SPRY3: variants seen among roughly 807,000 people sequenced by gnomAD.
SPRY3 encodes the protein protein sprouty homolog 3.
Under a neutral mutation model 20.2 loss-of-function variants are expected in SPRY3, and 15 were observed. The ratio of observed to expected loss-of-function variants is 0.74; its 90% CI spans 0.50 to 1.14. The LOEUF (loss-of-function observed/expected upper bound fraction) is 1.14, where lower values mean the gene tolerates loss of function less well. Among genes scored for constraint, SPRY3 ranks in the 50% most tolerant of loss-of-function variants. The probability of loss-of-function intolerance (pLI) is 0.00; values close to 1 mark genes in which losing one functional copy is unlikely to be tolerated. For synonymous variants in SPRY3, 143 were observed against 136.5 expected, an observed-to-expected ratio of 1.05 and a Z score of -0.33; for missense variants, 364 against 363.9, an observed-to-expected ratio of 1.00 and a Z score of 0.00.
chrX:155,767,866 A>C (rs1226082419), intron 2 of SPRY3, 96 bp from the exon 2 acceptor site: 1 of 153,076 alleles, frequency 6.5e-6, no homozygotes, highest in Non-Finnish European at 1.5e-5. Context: ...TATACAAAGT[A>C]TATGCCACTA....
At chrX:155,747,698 G>A (rs1177668563) in intron 2 of SPRY3, among the ~76,000 whole-genome samples, 1 of 151,980 alleles carries the variant, frequency 6.6e-6, no homozygotes, top group Admixed American at 6.6e-5. Context: ...TGACTGCCTG[G>A]AAGGCAGCCA....
At chrX:155,633,226 C>G (rs2067912085) in intron 1 of SPRY3, among the ~76,000 whole-genome samples, 1 of 108,701 alleles carries the variant, frequency 9.2e-6, no homozygotes, top group African/African-American at 3.4e-5. Flanking sequence ...TCCTCAAACC[C>G]AGTTCTAAAA....
At chrX:155,725,512 A>C (rs1191403229) in intron 2 of SPRY3, among the ~76,000 whole-genome samples, 2 of 152,164 alleles carry the variant, frequency 1.3e-5, no homozygotes, top group Non-Finnish European at 2.9e-5. Context: ...TTATTGGCCT[A>C]TTCAGAGATT....
intron 2 of SPRY3, among the ~76,000 whole-genome samples, chrX:155,665,462 G>C (rs2068021798): frequency 9.0e-6 from 1 of 111,242 alleles, no homozygotes; most frequent in South Asian, 3.8e-4. Context: ...CCCATCATCA[G>C]AGAAATGAAG....
intron 2 of SPRY3, among the ~76,000 whole-genome samples, chrX:155,754,623 C>CA (rs921609038): frequency 1.9e-4 from 29 of 151,810 alleles, no homozygotes; most frequent in Non-Finnish European, 2.9e-4. Flanking sequence ...TGAATTTTTG[C>CA]AAAAAAATCT....
At chrX:155,776,163 G>T (rs1375578796) in exon 4 of SPRY3, 8 of 167,068 alleles carry the variant, frequency 4.8e-5, no homozygotes, top group African/African-American at 1.7e-4. Context: ...AGTTAGTGTG[G>T]TGGTCTTTCT....
At chrX:155,695,569 CCT>C (rs1331375511) in intron 2 of SPRY3, among the ~76,000 whole-genome samples, 1 of 110,171 alleles carries the variant, frequency 9.1e-6, no homozygotes, top group Non-Finnish European at 1.9e-5. Flanking sequence ...CCATTTTCTC[CCT>C]CTGTTTCTTG....
intron 2 of SPRY3, among the ~76,000 whole-genome samples, chrX:155,676,453 T>A (rs370682402): frequency 9.0e-6 from 1 of 111,439 alleles, no homozygotes; most frequent in Non-Finnish European, 1.9e-5. Context: ...TTTGCTGTTA[T>A]GATTTTTGGC....
intron 2 of SPRY3, among the ~76,000 whole-genome samples, chrX:155,739,078 C>T (rs1351701657): frequency 6.6e-6 from 1 of 152,122 alleles, no homozygotes; most frequent in Non-Finnish European, 1.5e-5. Context: ...CAGATGCCAT[C>T]TCTATGGTTC....
intron 2 of SPRY3, among the ~76,000 whole-genome samples, chrX:155,678,746 G>A (rs1409468460): frequency 8.9e-6 from 1 of 112,284 alleles, no homozygotes; most frequent in Non-Finnish European, 1.9e-5. Flanking sequence ...TTATATAAAT[G>A]TGAATGACAA....
intron 2 of SPRY3, among the ~76,000 whole-genome samples, chrX:155,711,768 T>C (rs1418667755): frequency 6.6e-6 from 1 of 151,428 alleles, no homozygotes; most frequent in African/African-American, 2.4e-5. Context: ...GTTCTTGGCT[T>C]TCTAGCTCTT....
At chrX:155,744,889 G>C (rs1450691184) in intron 2 of SPRY3, among the ~76,000 whole-genome samples, 2 of 151,868 alleles carry the variant, frequency 1.3e-5, no homozygotes, top group African/African-American at 2.4e-5. Flanking sequence ...TGGGCTTCAG[G>C]GGTTCTTTCT....
chrX:155,691,289 T>C (rs922109118), intron 2 of SPRY3, among the ~76,000 whole-genome samples: 1 of 87,989 alleles, frequency 1.1e-5, no homozygotes, highest in Non-Finnish European at 2.1e-5. Flanking sequence ...GGCATTATTC[T>C]ATTTATAGCA....
chrX:155,756,744 A>ACTGCTC (rs1412938106), intron 2 of SPRY3, among the ~76,000 whole-genome samples: 1 of 152,146 alleles, frequency 6.6e-6, no homozygotes, highest in Non-Finnish European at 1.5e-5. Context: ...AATGCCATCT[A>ACTGCTC]CTGCTCCTTT....
At chrX:155,719,458 G>A (rs937207534) in intron 2 of SPRY3, among the ~76,000 whole-genome samples, 2 of 152,020 alleles carry the variant, frequency 1.3e-5, no homozygotes, top group Non-Finnish European at 2.9e-5. Context: ...ACTGGGGAGC[G>A]TGTGACCTAC....
At chrX:155,650,688 AAGTACCTCCAC>A (rs1268806284) in intron 1 of SPRY3, among the ~76,000 whole-genome samples, 1 of 111,715 alleles carries the variant, frequency 9.0e-6, no homozygotes, top group Non-Finnish European at 1.9e-5. Context: ...CCCTTCAGGA[AAGTACCTCCAC>A]AGTAGGTGCA....
chrX:155,761,337 CTTATT>C (rs1416573777), intron 2 of SPRY3, among the ~76,000 whole-genome samples: 2 of 152,058 alleles, frequency 1.3e-5, no homozygotes, highest in African/African-American at 4.8e-5. Flanking sequence ...ACTGATTCTT[CTTATT>C]TTAATTTCAA....
chrX:155,744,149 G>C (rs930707376), intron 2 of SPRY3, among the ~76,000 whole-genome samples: 1 of 152,038 alleles, frequency 6.6e-6, no homozygotes, highest in Non-Finnish European at 1.5e-5. Context: ...CTATGAACTG[G>C]GTGGATGTTT....
intron 2 of SPRY3, among the ~76,000 whole-genome samples, chrX:155,743,038 T>G (rs1193651633): frequency 2.0e-5 from 3 of 152,046 alleles, no homozygotes; most frequent in Non-Finnish European, 4.4e-5. Context: ...AGGAGCTGGT[T>G]TTTTGAAAAA....
Sources: allele counts gnomAD v4.1 joint callset (sites outside exome capture counted in the v4.1 genomes callset), GRCh38; gene constraint gnomAD v4.1.1; transcripts MANE v1.5; gene names NCBI Gene and HGNC (gene_info 2026-07-23, HGNC 2026-07-21).